SEPTIN10: variants seen among roughly 807,000 people sequenced by gnomAD.
The protein encoded by SEPTIN10 is septin 10.
Under a neutral mutation model 54.8 loss-of-function variants are expected in SEPTIN10, and 66 were observed. The ratio of observed to expected loss-of-function variants is 1.21; its 90% CI spans 0.99 to 1.48. The LOEUF is 1.48. Among genes scored for constraint, SEPTIN10 ranks in the 40% most tolerant of loss-of-function variants. SEPTIN10 has a pLI of 0.00. For synonymous variants in SEPTIN10, 161 were observed against 181.0 expected (o/e 0.89, Z 0.89); for missense variants, 620 against 545.6 (o/e 1.14, Z -1.36).
At chr2:109,548,216 G>T (rs1681831515) in intron 9 of SEPTIN10, among the ~76,000 whole-genome samples, 1 of 151,842 alleles carries the variant, frequency 6.6e-6, no homozygotes, top group Admixed American at 6.6e-5. Flanking sequence ...CAGCTCCATA[G>T]GAATCAGCTG....
rs758570482 is a variant in SEPTIN10 at position 109,585,319 on chromosome 2, C to T, written c.220G>A (p.Glu74Lys). The change falls in exon 4 of 11, where the codon GAA becomes AAA. Residue 74 changes from glutamate to lysine, a missense_variant and splice_region_variant. Transcript: ENST00000397712. ...GFCFNILCVG[E>K]TGIGKSTLID... ...AGTGTTGATTTTCCAATTCCAGTTTCCCCTGAAACACACAAAGGTACATCT... is the reference window on the plus strand; with the variant it reads ...AGTGTTGATTTTCCAATTCCAGTTTTCCCTGAAACACACAAAGGTACATCT... 1 of 1,596,424 alleles carries T rather than the reference C, an allele frequency of 6.3e-7. No individual in the cohort carries two copies.
In SEPTIN10 at chr2:109,582,466, C is replaced by T. The variant is rs115676528; in HGVS notation, c.413+2660G>A. On this transcript the variant is annotated intron_variant, in intron 4 of 10. Transcript: ENST00000397712. ...TCCCGAGTAGCTGGCAGTATAGGTG[C>T]CCACCAACATGCCTGGTTAATTTTT... is the stretch of plus-strand genomic sequence containing the variant. Among the ~76,000 whole-genome samples the T allele has an allele frequency of 5.2e-3, 794 of 152,120 alleles. 9 individuals are homozygous for T. Among genetic ancestry groups the T allele is most frequent in the African/African-American group, 0.018 (738 of 41,466 alleles).
At chr2:109,609,027 T>C (rs1049478408) in intron 1 of SEPTIN10, among the ~76,000 whole-genome samples, 23 of 152,232 alleles carry the variant, frequency 1.5e-4, no homozygotes, top group Non-Finnish European at 2.9e-5. Context: ...CTTCTCCTTC[T>C]TTCCCACAGA....
At chr2:109,569,561 A>G (rs1687883480) in intron 5 of SEPTIN10, among the ~76,000 whole-genome samples, 1 of 152,106 alleles carries the variant, frequency 6.6e-6, no homozygotes, top group South Asian at 2.1e-4. Context: ...TCCCAAGGAG[A>G]GAAATTTTTT....
At chr2:109,559,142 T>TCC (rs1277746679) in intron 8 of SEPTIN10, among the ~76,000 whole-genome samples, 1 of 152,154 alleles carries the variant, frequency 6.6e-6, no homozygotes, top group African/African-American at 2.4e-5. Context: ...CACCTTGGCC[T>TCC]CCCAAAGTAC....
chr2:109,576,113 A>C (rs1689626816), intron 4 of SEPTIN10, among the ~76,000 whole-genome samples: 1 of 152,148 alleles, frequency 6.6e-6, no homozygotes, highest in Admixed American at 6.5e-5. Flanking sequence ...AACTTTAAAA[A>C]TCAGCCAGGC....
At chr2:109,568,475 G>A (rs918328716) in intron 5 of SEPTIN10, among the ~76,000 whole-genome samples, 9 of 150,422 alleles carry the variant, frequency 6.0e-5, no homozygotes, top group Admixed American at 2.7e-4. Context: ...GGGTTCAAGC[G>A]ATTCTCTTCC....
In SEPTIN10 at chr2:109,595,788, T is replaced by C. The variant is rs370155098; in HGVS notation, c.31-2669A>G. On this transcript the variant is annotated intron_variant, in intron 1 of 10. Transcript: ENST00000397712. ...ACTGAGTAAACCAGAAATGTCCATT[T>C]AGAGTCTGACTTTCTGCTAAAGGCT... Among the ~76,000 whole-genome samples, 282 of 152,352 alleles carry C rather than the reference T, an allele frequency of 1.9e-3. 1 individual carries two copies. In the South Asian group the frequency reaches 0.022, roughly 12 times the overall value.
intron 1 of SEPTIN10, among the ~76,000 whole-genome samples, chr2:109,609,333 AC>A (rs1220763934): frequency 2.9e-5 from 4 of 138,548 alleles, no homozygotes; most frequent in African/African-American, 5.3e-5. Flanking sequence ...TATGGAGGAT[AC>A]AAAGAATAAT....
At chr2:109,584,346 G>A (rs992765364) in intron 4 of SEPTIN10, among the ~76,000 whole-genome samples, 9 of 151,832 alleles carry the variant, frequency 5.9e-5, no homozygotes, top group Non-Finnish European at 1.0e-4. Flanking sequence ...GTGGTGGCAG[G>A]TGCCTGTAAT....
chr2:109,579,896 G>A (rs1290482198), intron 4 of SEPTIN10, among the ~76,000 whole-genome samples: 1 of 151,418 alleles, frequency 6.6e-6, no homozygotes, highest in Non-Finnish European at 1.5e-5. Context: ...TAAGGCGTGT[G>A]GATCACCTGA....
At chr2:109,592,842 T>C (rs1233722083) in intron 2 of SEPTIN10, among the ~76,000 whole-genome samples, 1 of 152,062 alleles carries the variant, frequency 6.6e-6, no homozygotes, top group Admixed American at 6.6e-5. Context: ...CAGAATATTG[T>C]GGATACTCAA....
chr2:109,561,346 A>C (rs985641773), intron 8 of SEPTIN10, among the ~76,000 whole-genome samples: 3 of 151,526 alleles, frequency 2.0e-5, no homozygotes, highest in African/African-American at 7.3e-5. Flanking sequence ...GAACCCCCCC[A>C]CCCACACAAC....
At chr2:109,549,071 G>A (rs1351259045) in intron 9 of SEPTIN10, among the ~76,000 whole-genome samples, 1 of 152,108 alleles carries the variant, frequency 6.6e-6, no homozygotes, top group Admixed American at 6.5e-5. Flanking sequence ...TATTTAAATG[G>A]TTCCTGCTTT....
At chr2:109,550,377 A>G (rs1682608448) in intron 9 of SEPTIN10, among the ~76,000 whole-genome samples, 1 of 151,478 alleles carries the variant, frequency 6.6e-6, no homozygotes, top group Non-Finnish European at 1.5e-5. Context: ...CAGTGGCATA[A>G]TCTTGGCTCA....
intron 4 of SEPTIN10, among the ~76,000 whole-genome samples, chr2:109,577,148 G>A (rs539116828): frequency 1.3e-5 from 2 of 152,120 alleles, no homozygotes; most frequent in African/African-American, 4.8e-5. Flanking sequence ...AGGAGAGAGT[G>A]GAATGATATT....
Position 109,609,244 on chromosome 2 carries a change from G to A in SEPTIN10, c.30+4554C>T, listed in dbSNP as rs1698690769. 3.3e-5 allele frequency among the ~76,000 whole-genome samples: 5 copies of A among 152,082 alleles called. No individual in the cohort carries two copies. The South Asian group carries it at 1.0e-3, about 32-fold the overall frequency. ...TTATAATTTATTCATTTAACATTCA[G>A]CAAGAATAAAATTGTCCAAGATAAC... On this transcript the variant is annotated intron_variant, in intron 1 of 10. Coordinates refer to ENST00000397712, the MANE Select transcript of SEPTIN10 (RefSeq NM_144710.5).
chr2:109,568,078 C>T (rs1200659589), intron 5 of SEPTIN10, 102 bp from the exon 6 acceptor site: 36 of 911,470 alleles, frequency 3.9e-5, no homozygotes, highest in Non-Finnish European at 5.7e-5. Context: ...ATGAATTTCC[C>T]TAAACCTAGA....
chr2:109,595,872 T>C (rs1369326428), intron 1 of SEPTIN10, among the ~76,000 whole-genome samples: 5 of 152,102 alleles, frequency 3.3e-5, no homozygotes, highest in East Asian at 1.9e-4. Context: ...TTAGACACAA[T>C]GAGGAGGAGG....
Sources: gnomAD v4.1 joint callset for allele counts (sites outside exome capture counted in the v4.1 genomes callset) on GRCh38, gnomAD v4.1.1 for gene constraint, MANE v1.5 for transcripts, NCBI Gene and HGNC (gene_info 2026-07-23, HGNC 2026-07-21) for gene names.